The following POU5F1B variants were observed in gnomAD, a reference collection of about 807,000 sequenced individuals.
POU5F1B encodes the protein POU domain, class 5, transcription factor 1B.
POU5F1B carries 24 observed loss-of-function variants against 28.1 expected under a neutral mutation model. The ratio of observed to expected loss-of-function variants is 0.85; its 90% CI spans 0.62 to 1.20. The LOEUF (loss-of-function observed/expected upper bound fraction) is 1.20, where lower values mean the gene tolerates loss of function less well. POU5F1B is among the 50% of genes most tolerant of loss of function. The probability of loss-of-function intolerance (pLI) is 0.00; values close to 1 mark genes in which losing one functional copy is unlikely to be tolerated. For missense variants in POU5F1B, 451 were observed against 451.5 expected (o/e 1.00, Z 0.01); for synonymous variants, 220 against 193.2 (o/e 1.14, Z -1.15).
intron 1 of POU5F1B, among the ~76,000 whole-genome samples, chr8:127,413,544 G>A (rs148148917): frequency 5.3e-5 from 8 of 152,112 alleles, no homozygotes; most frequent in Non-Finnish European, 8.8e-5. Flanking sequence ...CTTAGTTAGC[G>A]GATTCACAAT....
intron 1 of POU5F1B, among the ~76,000 whole-genome samples, chr8:127,413,743 C>T (rs1018970810): frequency 6.6e-6 from 1 of 152,082 alleles, no homozygotes; most frequent in African/African-American, 2.4e-5. Flanking sequence ...ACCTATTAAC[C>T]TTCTATTTCA....
chr8:127,416,809 C>A lies in POU5F1B; in HGVS notation c.943C>A (p.Pro315Thr), dbSNP rs751703386. The change falls in exon 3 of 3, where the codon CCA (proline) becomes ACA (threonine). Residue 315 changes from proline to threonine, a missense_variant. Physicochemically the swap from Pro to Thr is conservative, Grantham distance 38 (BLOSUM62 -1). This residue lies in a region of POU5F1B where 213 missense variants were observed against 220.4 expected (regional missense o/e 0.97). Coordinates refer to ENST00000465342, the Ensembl canonical transcript of POU5F1B. ...GGGACCAGTGTCCTTTCCTCCGGCC[C>A]CAGGGCCCCATTTTGGTACCCCAGG... The A allele has an allele frequency of 6.9e-6, 11 of 1,605,810 alleles. No individual in the cohort carries two copies. Among genetic ancestry groups the A allele is most frequent in the Non-Finnish European group, 9.4e-6 (11 of 1,176,052 alleles).
At chr8:127,416,527 T>C (rs1208896380) in exon 3 of POU5F1B, 5 of 1,609,190 alleles carry the variant, frequency 3.1e-6, no homozygotes, top group South Asian at 1.1e-5. Flanking sequence ...TCAGGAGATA[T>C]GCAAAGCAGA....
exon 3 of POU5F1B, chr8:127,416,041 G>A: frequency 1.2e-6 from 2 of 1,607,282 alleles, no homozygotes; most frequent in Non-Finnish European, 1.7e-6. Flanking sequence ...TGAGGTGTGG[G>A]GGATTCCCCC....
chr8:127,416,763 T>C lies in POU5F1B; in HGVS notation c.897T>C (p.Ala299=), dbSNP rs746879083. The C allele has an allele frequency of 1.9e-6, 3 of 1,607,746 alleles. No homozygotes were observed. In the Admixed American group the frequency reaches 5.1e-5, roughly 27 times the overall value. ...ATGCACAACGAGAGGATTTTGAGGCTGCTGGGTCTCCTTTCTCAGGGGGAC... is the reference window on the plus strand; with the variant it reads ...ATGCACAACGAGAGGATTTTGAGGCCGCTGGGTCTCCTTTCTCAGGGGGAC... The change falls in exon 3 of 3, where the codon GCT becomes GCC. Residue 299 remains alanine (A), a synonymous_variant. Transcript: ENST00000465342.
At chr8:127,416,049 C>T (rs1815129407) in exon 3 of POU5F1B, 1 of 1,608,856 alleles carries the variant, frequency 6.2e-7, no homozygotes. Context: ...GGGGGATTCC[C>T]CCTTGCCCCC....
chr8:127,413,453 G>A (rs1438351546), intron 1 of POU5F1B, among the ~76,000 whole-genome samples: 1 of 152,132 alleles, frequency 6.6e-6, no homozygotes, highest in Non-Finnish European at 1.5e-5. Flanking sequence ...TCACCTAGCT[G>A]TACCTCATTA....
At chr8:127,415,901 C>T (rs1252579384) in exon 3 of POU5F1B, 2 of 1,541,546 alleles carry the variant, frequency 1.3e-6, no homozygotes. Context: ...TTCGCCTTCT[C>T]GCCCCCTCCA....
chr8:127,416,817 C>G (rs750810557), exon 3 of POU5F1B: 213 of 1,605,234 alleles, frequency 1.3e-4, no homozygotes, highest in Middle Eastern at 1.7e-4. Flanking sequence ...CCCCAGGGCC[C>G]CATTTTGGTA....
chr8:127,415,643 A>C lies in POU5F1B; in HGVS notation c.-224A>C, dbSNP rs185974252. 14 of 712,900 alleles carry C rather than the reference A, an allele frequency of 2.0e-5. No individual in the cohort carries two copies. In the East Asian group the frequency reaches 4.5e-4, roughly 23 times the overall value. 44.2% of individuals were successfully genotyped at this position (712,900 alleles called of 1,614,324 possible). ...TCCAAATCTTGGCATTCTTATCCAC[A>C]AAGTGAAGATAATAATTGTCAATTC... On this transcript the variant is annotated 5_prime_UTR_variant, in exon 3 of 3. Transcript: ENST00000465342.
chr8:127,417,080 G>T lies in POU5F1B; in HGVS notation c.*134G>T. ...AGGAATTGGGAACACTAAGGGTGGGGGCAGGGGAGTTTGGGGCAACTGGTT... is the reference window on the plus strand; with the variant it reads ...AGGAATTGGGAACACTAAGGGTGGGTGCAGGGGAGTTTGGGGCAACTGGTT... On this transcript the variant is annotated 3_prime_UTR_variant, in exon 3 of 3. Coordinates refer to ENST00000465342, the Ensembl canonical transcript of POU5F1B. The T allele has an allele frequency of 4.6e-6, 6 of 1,293,616 alleles. No homozygotes were observed. In the South Asian group the frequency reaches 9.0e-5, roughly 19 times the overall value. The allele number at this position is 1,293,616 out of a possible 1,614,324, so 80.1% of individuals were successfully genotyped here.
At chr8:127,415,689 G>C in exon 3 of POU5F1B, 1 of 1,017,646 alleles carries the variant, frequency 9.8e-7, no homozygotes, top group Admixed American at 3.6e-5. Context: ...ATGATTTAAA[G>C]AGATTACTTT....
chr8:127,415,614 C>T (rs975675335), exon 3 of POU5F1B: 1 of 576,244 alleles, frequency 1.7e-6, no homozygotes, highest in Non-Finnish European at 2.7e-6. Flanking sequence ...CATTATTCAA[C>T]ATTTCCAAAT....
At chr8:127,413,879 C>CACACACACACAA (rs1455390998) in intron 1 of POU5F1B, among the ~76,000 whole-genome samples, 1 of 151,572 alleles carries the variant, frequency 6.6e-6, no homozygotes, top group African/African-American at 2.4e-5. Flanking sequence ...CACACACACA[C>CACACACACACAA]AACACCCGAT....
intron 1 of POU5F1B, among the ~76,000 whole-genome samples, chr8:127,414,392 T>A (rs943094544): frequency 6.6e-6 from 1 of 151,926 alleles, no homozygotes; most frequent in Non-Finnish European, 1.5e-5. Flanking sequence ...ATTTGAGAGG[T>A]AGAGAGGGGA....
At chr8:127,416,079 G>C (rs935213491) in exon 3 of POU5F1B, 1 of 1,612,784 alleles carries the variant, frequency 6.2e-7, no homozygotes, top group Non-Finnish European at 8.5e-7. Context: ...AGTTATGTGG[G>C]GGGATGGCGT....
exon 3 of POU5F1B, chr8:127,416,359 G>A (rs576131592): frequency 3.1e-6 from 5 of 1,611,068 alleles, no homozygotes; most frequent in East Asian, 4.5e-5. Context: ...ATATACACAG[G>A]CCGATGTGGG....
At chr8:127,415,870 G>A in exon 3 of POU5F1B, 1 of 1,524,192 alleles carries the variant, frequency 6.6e-7, no homozygotes, top group Non-Finnish European at 8.8e-7. Flanking sequence ...CTTCCCCATG[G>A]CGGGACACCT....
exon 3 of POU5F1B, chr8:127,416,148 G>A (rs555645826): frequency 6.2e-7 from 1 of 1,613,676 alleles, no homozygotes. Context: ...AGACCTCTCA[G>A]CCTGAGAGCG....
Sources: gnomAD v4.1 joint callset for allele counts (sites outside exome capture counted in the v4.1 genomes callset) on GRCh38, gnomAD v4.1.1 for gene constraint, gnomAD v4.1.1 regional missense constraint, MANE v1.5 for transcripts, NCBI Gene and HGNC (gene_info 2026-07-23, HGNC 2026-07-21) for gene names.